Variants in C12orf50 observed in about 807,000 individuals in gnomAD.
C12orf50 encodes the protein zinc finger CCCH-type containing 11D, also known as uncharacterized protein C12orf50.
A neutral mutation model predicts 61.6 loss-of-function variants in C12orf50; 35 were observed. The observed-to-expected ratio is 0.57, with a 90% CI of 0.43 to 0.75. C12orf50 has a LOEUF of 0.75. C12orf50 is among the 30% of genes least tolerant of loss of function. The pLI is 0.00. For synonymous variants in C12orf50, 178 were observed against 161.5 expected (o/e 1.10, Z -0.77); for missense variants, 475 against 488.5 (o/e 0.97, Z 0.26).
chr12:87,984,300 A>G (rs527853681), intron 11 of C12orf50: 8 of 152,340 alleles, frequency 5.3e-5, no homozygotes, highest in Non-Finnish European at 1.2e-4. Flanking sequence ...GCCCTTTGTC[A>G]GATGAGTAGG....
At chr12:88,028,123 CTAT>C (rs1184062251) in intron 1 of C12orf50, among the ~76,000 whole-genome samples, 1 of 152,040 alleles carries the variant, frequency 6.6e-6, no homozygotes, top group Non-Finnish European at 1.5e-5. Flanking sequence ...GTATTGTGAG[CTAT>C]TATTATTATT....
In C12orf50 at chr12:87,986,385, A is replaced by T; in HGVS notation, c.849T>A (p.His283Gln). ...ATTTTCTTTTCTTCACACCTTTAAA[A>T]TGAGGCTTCTTCACTGGCTGGACAT... is the stretch of plus-strand genomic sequence containing the variant. ...MNDVQPVKKP[H>Q]FKGVKKRKWI... The change falls in exon 10 of 13, where the codon CAT becomes CAA. Residue 283 changes from histidine to glutamine, a missense_variant. Physicochemically the swap from His to Gln is conservative, Grantham distance 24. Coordinates refer to ENST00000298699, the MANE Select transcript of C12orf50 (RefSeq NM_152589.3). 1 of 1,610,568 alleles carries T rather than the reference A, an allele frequency of 6.2e-7. No homozygotes were observed. Among genetic ancestry groups the T allele is most frequent in the Non-Finnish European group, 8.5e-7 (1 of 1,178,816 alleles).
At chr12:87,997,988 T>G in intron 4 of C12orf50, 47 bp downstream of exon 4, 5 of 1,480,156 alleles carry the variant, frequency 3.4e-6, no homozygotes, top group Non-Finnish European at 4.6e-6. Context: ...GTAAAAAATG[T>G]GAGGTTTTTG....
chr12:87,982,585 C>T (rs2030546109), intron 12 of C12orf50, among the ~76,000 whole-genome samples: 1 of 152,014 alleles, frequency 6.6e-6, no homozygotes, highest in Non-Finnish European at 1.5e-5. Context: ...TACAACAAAC[C>T]TCTACCCTGA....
At chr12:87,993,555 C>T (rs1333398334) in intron 7 of C12orf50, among the ~76,000 whole-genome samples, 1 of 152,018 alleles carries the variant, frequency 6.6e-6, no homozygotes. Context: ...AAAAAATAAT[C>T]AAATTACCTT....
chr12:88,026,649 C>T, intron 2 of C12orf50, 41 bp from the exon 3 acceptor site: 1 of 1,602,780 alleles, frequency 6.2e-7, no homozygotes, highest in East Asian at 2.2e-5. Context: ...TGATTAGATG[C>T]CATATTTACA....
intron 3 of C12orf50, among the ~76,000 whole-genome samples, chr12:88,026,262 C>T (rs538041389): frequency 9.5e-4 from 144 of 152,310 alleles, no homozygotes; most frequent in African/African-American, 3.4e-3. Context: ...ATTTTAGATA[C>T]ACATAGAGAA....
In C12orf50 at chr12:88,029,219, GA is replaced by G. The variant is rs1318170176; in HGVS notation, c.-109+120del. Reference sequence around the variant, plus strand: ...ACAAGAACTATCAGTGTGTAAGGGGGAAAAATAATTTCTTTTCCACAGTCTT... The same window carrying G: ...ACAAGAACTATCAGTGTGTAAGGGGGAAAATAATTTCTTTTCCACAGTCTT... On this transcript the variant is annotated intron_variant, in intron 1 of 12. Coordinates refer to ENST00000298699, the MANE Select transcript of C12orf50 (RefSeq NM_152589.3). The G allele has an allele frequency of 8.9e-6, 6 of 672,236 alleles. No homozygotes were observed. In the East Asian group the frequency reaches 4.2e-4, roughly 47 times the overall value. The allele number at this position is 672,236 out of a possible 1,614,324, so 41.6% of individuals were successfully genotyped here.
In C12orf50 at chr12:87,980,265, T is replaced by A. The variant is rs532176508; in HGVS notation, c.*66A>T. The A allele has an allele frequency of 2.2e-5, 33 of 1,484,860 alleles. No individual in the cohort carries two copies. Among genetic ancestry groups the A allele is most frequent in the Admixed American group, 2.1e-4 (12 of 57,092 alleles). The allele number at this position is 1,484,860 out of a possible 1,614,324, so 92.0% of individuals were successfully genotyped here. A position where few individuals can be genotyped will look rare whatever the true frequency, so the allele number is the denominator to read the frequency against. ...AGTATCTCATTCTTTGAATTTTCAT[T>A]TTTGATTGTAAATCAGATGATGTCT... On this transcript the variant is annotated 3_prime_UTR_variant, in exon 13 of 13. Coordinates refer to ENST00000298699, the MANE Select transcript of C12orf50 (RefSeq NM_152589.3).
At chr12:88,017,936 T>C (rs1321990838) in intron 3 of C12orf50, among the ~76,000 whole-genome samples, 2 of 152,134 alleles carry the variant, frequency 1.3e-5, no homozygotes, top group Non-Finnish European at 2.9e-5. Context: ...AGGCATTCAG[T>C]TCTAAAAAGA....
chr12:88,016,876 G>A (rs1253129677), intron 3 of C12orf50, among the ~76,000 whole-genome samples: 1 of 152,154 alleles, frequency 6.6e-6, no homozygotes, highest in African/African-American at 2.4e-5. Flanking sequence ...AGTAGAACAA[G>A]GCAAGGAAGT....
At chr12:88,016,051 C>T (rs372974327) in intron 3 of C12orf50, among the ~76,000 whole-genome samples, 2 of 152,022 alleles carry the variant, frequency 1.3e-5, no homozygotes, top group Non-Finnish European at 2.9e-5. Context: ...AGAACACAGC[C>T]GGTGATTTAG....
At chr12:88,011,499 A>G (rs1264154546) in intron 3 of C12orf50, among the ~76,000 whole-genome samples, 1 of 152,206 alleles carries the variant, frequency 6.6e-6, no homozygotes, top group Non-Finnish European at 1.5e-5. Context: ...CTCTTTGCCA[A>G]GAATTCTAAA....
chr12:87,982,906 G>A (rs2030582542), intron 12 of C12orf50, among the ~76,000 whole-genome samples, 197 bp downstream of exon 12: 4 of 151,612 alleles, frequency 2.6e-5, no homozygotes. Flanking sequence ...CATAAAAATA[G>A]GCAAAGAGGA....
intron 3 of C12orf50, among the ~76,000 whole-genome samples, chr12:88,004,767 G>A (rs747071535): frequency 2.8e-4 from 43 of 152,232 alleles, no homozygotes; most frequent in East Asian, 9.6e-4. Context: ...TATCCTAAGC[G>A]AACTGACACA....
At chr12:87,982,962 A>G (rs2136395712) in intron 12 of C12orf50, 141 bp downstream of exon 12, 1 of 444,036 alleles carries the variant, frequency 2.3e-6, no homozygotes, top group Non-Finnish European at 4.0e-6. Context: ...CAAGATATCT[A>G]CTAAACTCCA....
intron 3 of C12orf50, among the ~76,000 whole-genome samples, chr12:88,003,117 T>C (rs1264290133): frequency 2.0e-5 from 3 of 151,284 alleles, no homozygotes; most frequent in Non-Finnish European, 4.4e-5. Flanking sequence ...TTATAGTTTG[T>C]TCTATAAACA....
At chr12:87,987,749 T>C (rs1359605699) in intron 9 of C12orf50, 101 bp downstream of exon 9, 23 of 798,360 alleles carry the variant, frequency 2.9e-5, no homozygotes, top group Non-Finnish European at 4.3e-5. Flanking sequence ...TTTTTAAACC[T>C]TTTTTCTTTC....
intron 1 of C12orf50, chr12:88,029,096 A>G: frequency 7.8e-7 from 1 of 1,287,046 alleles, no homozygotes; most frequent in Non-Finnish European, 1.0e-6. Context: ...AAAAAGAAAT[A>G]GCAGTCATTC....
Sources: allele counts gnomAD v4.1 joint callset (sites outside exome capture counted in the v4.1 genomes callset), GRCh38; gene constraint gnomAD v4.1.1; transcripts MANE v1.5; gene names NCBI Gene and HGNC (gene_info 2026-07-23, HGNC 2026-07-21).